Variants in TRMT9B observed in about 807,000 individuals in gnomAD.
The protein encoded by TRMT9B is tRNA methyltransferase 9B (putative), also known as probable tRNA methyltransferase 9B.
In TRMT9B, 16 loss-of-function variants were observed where a neutral mutation model predicts 11.5. That is an observed-to-expected ratio of 1.39 (90% confidence interval 0.94 to 2.11). The LOEUF (loss-of-function observed/expected upper bound fraction) is 2.11. TRMT9B is among the 30% of genes most tolerant of loss of function. The pLI is 0.00. For synonymous variants in TRMT9B, 274 were observed against 192.4 expected (o/e 1.42, Z -3.51); for missense variants, 941 against 553.8 (o/e 1.70, Z -7.02).
chr8:13,005,797 G>A (rs996103787), intron 2 of TRMT9B, among the ~76,000 whole-genome samples: 13 of 152,224 alleles, frequency 8.5e-5, no homozygotes, highest in Middle Eastern at 6.8e-3. Context: ...AATTAATAGC[G>A]CTTTGCTATT....
chr8:12,967,782 A>C (rs1803025141), intron 1 of TRMT9B, among the ~76,000 whole-genome samples: 1 of 152,248 alleles, frequency 6.6e-6, no homozygotes, highest in South Asian at 2.1e-4. Context: ...AGTGGGACAA[A>C]GCTTAACAAA....
intron 2 of TRMT9B, 41 bp downstream of exon 2, chr8:12,991,072 G>A (rs1300141310): frequency 1.3e-5 from 14 of 1,050,090 alleles, no homozygotes; most frequent in Admixed American, 7.3e-5. Flanking sequence ...CATACCATGA[G>A]GTGTTTTTAG....
chr8:12,986,562 G>T (rs961975670), intron 1 of TRMT9B, among the ~76,000 whole-genome samples: 2 of 152,208 alleles, frequency 1.3e-5, no homozygotes, highest in Admixed American at 6.5e-5. Context: ...TCCCGCAAAT[G>T]CATACATCTT....
chr8:12,994,477 C>G (rs1217379396), intron 2 of TRMT9B, among the ~76,000 whole-genome samples: 1 of 152,206 alleles, frequency 6.6e-6, no homozygotes, highest in African/African-American at 2.4e-5. Context: ...TTCTTCCCTT[C>G]GGTAGCGCTC....
At chr8:12,961,372 A>G (rs1802080101) in intron 1 of TRMT9B, among the ~76,000 whole-genome samples, 1 of 152,108 alleles carries the variant, frequency 6.6e-6, no homozygotes, top group African/African-American at 2.4e-5. Flanking sequence ...AAAGTTAAGA[A>G]ATACCTCACT....
At chr8:12,968,605 C>T (rs2460352) in intron 1 of TRMT9B, among the ~76,000 whole-genome samples, 4,932 of 152,186 alleles carry the variant, frequency 0.032, 101 homozygotes, top group African/African-American at 0.049. Flanking sequence ...AGCTGTGAGC[C>T]GATAGCCACG....
At chr8:13,016,229 TATATATTATATATAAAATATAAATGTG>T (rs1812658168) in intron 4 of TRMT9B, among the ~76,000 whole-genome samples, 1 of 114,154 alleles carries the variant, frequency 8.8e-6, no homozygotes, top group Admixed American at 1.1e-4. Flanking sequence ...AAATGTGAAA[TATATATTATATATAAAATATAAATGTG>T]AAATATATAT....
chr8:12,989,663 C>G (rs908377249), intron 1 of TRMT9B, among the ~76,000 whole-genome samples: 1 of 152,170 alleles, frequency 6.6e-6, no homozygotes, highest in Non-Finnish European at 1.5e-5. Context: ...TGATGACAGT[C>G]GACTGCCCAG....
chr8:13,006,069 C>T, intron 2 of TRMT9B, 133 bp from the exon 3 acceptor site: 1 of 779,922 alleles, frequency 1.3e-6, no homozygotes, highest in Non-Finnish European at 2.0e-6. Flanking sequence ...TTCTTTGCAG[C>T]TTATAAGAAA....
chr8:12,985,511 C>T (rs1483330453), intron 1 of TRMT9B, among the ~76,000 whole-genome samples: 1 of 152,182 alleles, frequency 6.6e-6, no homozygotes, highest in Admixed American at 6.5e-5. Context: ...TTTGTATCCA[C>T]CCGTCATATG....
At chr8:13,013,748 C>T (rs1331676700) in intron 4 of TRMT9B, among the ~76,000 whole-genome samples, 2 of 152,068 alleles carry the variant, frequency 1.3e-5, no homozygotes, top group South Asian at 2.1e-4. Flanking sequence ...GTCAGGAGAT[C>T]GAGACCAGCC....
At position 13,001,429 on chromosome 8, in the gene TRMT9B, C is replaced by G. The variant is rs112520185; in HGVS notation, c.-1-4773C>G. Among the ~76,000 whole-genome samples, 290 of 152,292 alleles carry G rather than the reference C, an allele frequency of 1.9e-3. 1 individual carries two copies. The highest frequency in any genetic ancestry group is 3.1e-3 in the Non-Finnish European group (212 of 68,030). On this transcript the variant is annotated intron_variant, in intron 2 of 4. Transcript: ENST00000524591. ...CATCCTTCTGACTTCCTAGTTAAAACGTTTACCGTCTCATACTTTTAGTCT... is the reference window on the plus strand; with the variant it reads ...CATCCTTCTGACTTCCTAGTTAAAAGGTTTACCGTCTCATACTTTTAGTCT...
chr8:12,971,194 T>C (rs771529395), intron 1 of TRMT9B, among the ~76,000 whole-genome samples: 4 of 152,254 alleles, frequency 2.6e-5, no homozygotes, highest in Non-Finnish European at 5.9e-5. Flanking sequence ...TGCTGTATTA[T>C]CAAATACTGG....
intron 1 of TRMT9B, among the ~76,000 whole-genome samples, chr8:12,973,719 C>T (rs926248856): frequency 2.0e-5 from 3 of 152,118 alleles, no homozygotes; most frequent in Non-Finnish European, 4.4e-5. Flanking sequence ...CAGAAAACTG[C>T]TGGTGAAAGG....
intron 1 of TRMT9B, among the ~76,000 whole-genome samples, chr8:12,978,015 C>T (rs180881421): frequency 3.3e-5 from 5 of 152,166 alleles, no homozygotes; most frequent in East Asian, 1.9e-4. Flanking sequence ...CATGACAGAG[C>T]GAGACCCTGT....
intron 1 of TRMT9B, chr8:12,952,852 G>A (rs1021750614): frequency 3.3e-5 from 6 of 179,508 alleles, no homozygotes; most frequent in Non-Finnish European, 6.4e-5. Flanking sequence ...CAATTCCCTT[G>A]CGTCAGTCTT....
At chr8:12,989,883 G>A (rs1445284292) in intron 1 of TRMT9B, among the ~76,000 whole-genome samples, 1 of 152,214 alleles carries the variant, frequency 6.6e-6, no homozygotes, top group Non-Finnish European at 1.5e-5. Context: ...CACAGATCAT[G>A]TGCCTACATA....
In TRMT9B at chr8:13,024,645, A is replaced by T. The variant is rs1353864150; in HGVS notation, c.*2601A>T. 1.8e-5 allele frequency: 3 copies of T among 166,962 alleles called. No individual in the cohort carries two copies. Among genetic ancestry groups the T allele is most frequent in the Non-Finnish European group, 4.4e-5 (3 of 68,088 alleles). 10.3% of individuals were successfully genotyped at this position (166,962 alleles called of 1,614,324 possible). A position where few individuals can be genotyped will look rare whatever the true frequency, so the allele number is the denominator to read the frequency against. ...GCCTTTGAGCTAAACTGTCTGAGCA[A>T]CCTCTTAGATGTGCACACACCACTT... On this transcript the variant is annotated 3_prime_UTR_variant, in exon 5 of 5. Coordinates refer to ENST00000524591, the MANE Select transcript of TRMT9B (RefSeq NM_020844.3).
intron 2 of TRMT9B, among the ~76,000 whole-genome samples, chr8:12,996,014 A>G (rs1317635520): frequency 6.6e-6 from 1 of 152,222 alleles, no homozygotes; most frequent in South Asian, 2.1e-4. Context: ...AACAGTAACC[A>G]TGAAACAGCA....
Sources: gnomAD v4.1 joint callset for allele counts (sites outside exome capture counted in the v4.1 genomes callset) on GRCh38, gnomAD v4.1.1 for gene constraint, MANE v1.5 for transcripts, NCBI Gene and HGNC (gene_info 2026-07-23, HGNC 2026-07-21) for gene names.